Variants in MYO1D observed in about 807,000 individuals in gnomAD.
The protein encoded by MYO1D is myosin ID, also known as unconventional myosin-Id.
MYO1D carries 83 observed loss-of-function variants against 122.0 expected under a neutral mutation model. That is an observed-to-expected ratio of 0.68 (90% CI 0.57 to 0.82). The LOEUF is 0.82. MYO1D is among the 40% of genes least tolerant of loss of function. The pLI, the probability that MYO1D is intolerant of heterozygous loss-of-function variation, is 0.00. For missense variants in MYO1D, 1,157 were observed against 1,269.5 expected (o/e 0.91, Z 1.35); for synonymous variants, 464 against 446.9 (o/e 1.04, Z -0.48).
intron 1 of MYO1D, among the ~76,000 whole-genome samples, chr17:32,866,816 G>A (rs1184055641): frequency 6.6e-6 from 1 of 152,208 alleles, no homozygotes; most frequent in East Asian, 1.9e-4. Flanking sequence ...AAGAAGGCCA[G>A]GATGGCTCAG....
At position 32,503,078 on chromosome 17, in the gene MYO1D, CTT is replaced by C. The variant is rs1190413925; in HGVS notation, c.2865-8165_2865-8164del. Among the ~76,000 whole-genome samples, 15 of 152,330 alleles carry C rather than the reference CTT, an allele frequency of 9.8e-5. 1 individual carries two copies. Among genetic ancestry groups the C allele is most frequent in the African/African-American group, 3.4e-4 (14 of 41,572 alleles). ...CTTTCCTTCATTTTTCATTTAGACT[CTT>C]GTCTTCTGCTCTTAGAGAAACCCGT... On this transcript the variant is annotated intron_variant, in intron 21 of 21. Transcript: ENST00000318217.
chr17:32,577,942 T>C (rs187534382), intron 21 of MYO1D, among the ~76,000 whole-genome samples: 124 of 152,270 alleles, frequency 8.1e-4, no homozygotes, highest in African/African-American at 2.9e-3. Flanking sequence ...GATTTCACTG[T>C]GTTAGCCAGG....
At chr17:32,528,095 C>T (rs1910400360) in intron 21 of MYO1D, among the ~76,000 whole-genome samples, 1 of 152,208 alleles carries the variant, frequency 6.6e-6, no homozygotes, top group South Asian at 2.1e-4. Flanking sequence ...CCTCAGCCTC[C>T]CAAAGTGCTG....
rs559322316 is a variant in MYO1D at position 32,663,138 on chromosome 17, C to T, written c.2122-3800G>A. Among the ~76,000 whole-genome samples, 5 of 152,158 alleles carry T rather than the reference C, an allele frequency of 3.3e-5. No homozygotes were observed. The South Asian group carries it at 6.2e-4, about 19-fold the overall frequency. On this transcript the variant is annotated intron_variant, in intron 16 of 21. Coordinates refer to ENST00000318217, the MANE Select transcript of MYO1D (RefSeq NM_015194.3). ...TTCACTGTGTTAGCCAGGATGGTCT[C>T]GATCTCCTGACCTTGTGATCCACCC...
intron 1 of MYO1D, among the ~76,000 whole-genome samples, chr17:32,845,446 A>G (rs2090927618): frequency 6.6e-6 from 1 of 152,174 alleles, no homozygotes; most frequent in Non-Finnish European, 1.5e-5. Context: ...TGATAATGTC[A>G]TTTTATATTT....
intron 16 of MYO1D, among the ~76,000 whole-genome samples, chr17:32,669,897 T>G (rs1042283901): frequency 6.6e-6 from 1 of 151,436 alleles, no homozygotes; most frequent in Non-Finnish European, 1.5e-5. Context: ...TTCTTTTTCT[T>G]TTTTCTTTTT....
At chr17:32,665,638 C>T (rs76078271) in intron 16 of MYO1D, among the ~76,000 whole-genome samples, 2,196 of 152,276 alleles carry the variant, frequency 0.014, 58 homozygotes, top group African/African-American at 0.05. Flanking sequence ...TGCACTGTTC[C>T]TTGTATTGCA....
chr17:32,644,242 A>G (rs1482008374), intron 19 of MYO1D, among the ~76,000 whole-genome samples: 1 of 152,080 alleles, frequency 6.6e-6, no homozygotes, highest in East Asian at 1.9e-4. Context: ...GAGTTTCTTA[A>G]TCCTGCATTC....
At chr17:32,621,580 C>T (rs1221376981) in intron 20 of MYO1D, among the ~76,000 whole-genome samples, 1 of 152,124 alleles carries the variant, frequency 6.6e-6, no homozygotes, top group Non-Finnish European at 1.5e-5. Context: ...TCAAAGCCAA[C>T]CCTTAATTAC....
rs2091021522 is a variant in MYO1D, at chr17:32,855,583, T to C, written c.95+21195A>G. On this transcript the variant is annotated intron_variant, in intron 1 of 21. Coordinates refer to ENST00000318217, the MANE Select transcript of MYO1D (RefSeq NM_015194.3). ...TTTTCCATCCCACTGTTGATGGACATTTGTGTTTTTTCTTAGGTTTCGACT... is the reference window on the plus strand; with the variant it reads ...TTTTCCATCCCACTGTTGATGGACACTTGTGTTTTTTCTTAGGTTTCGACT... Among the ~76,000 whole-genome samples the C allele has an allele frequency of 2.6e-5, 4 of 152,168 alleles. No individual in the cohort carries two copies. The South Asian group carries it at 6.2e-4, about 24-fold the overall frequency.
At chr17:32,636,104 AC>A (rs747626240) in intron 20 of MYO1D, among the ~76,000 whole-genome samples, 16 of 150,948 alleles carry the variant, frequency 1.1e-4, no homozygotes, top group South Asian at 2.1e-4. Context: ...TGAATAATCC[AC>A]CCCCTTTCTC....
chr17:32,689,837 G>T (rs1490019040), intron 16 of MYO1D, among the ~76,000 whole-genome samples: 1 of 151,844 alleles, frequency 6.6e-6, no homozygotes, highest in Non-Finnish European at 1.5e-5. Context: ...TCCTGCCTCA[G>T]CCTCCCGAGT....
intron 21 of MYO1D, among the ~76,000 whole-genome samples, chr17:32,541,320 G>A (rs945321030): frequency 2.0e-5 from 3 of 152,206 alleles, no homozygotes; most frequent in Non-Finnish European, 4.4e-5. Flanking sequence ...CCAAGAGGAA[G>A]AAGCTGGTCA....
At chr17:32,588,406 C>G (rs573942465) in intron 21 of MYO1D, among the ~76,000 whole-genome samples, 1 of 152,350 alleles carries the variant, frequency 6.6e-6, no homozygotes, top group African/African-American at 2.4e-5. Context: ...TCAAAATAAA[C>G]TCCAAACAGC....
At chr17:32,747,857 A>AG (rs1230081604) in intron 12 of MYO1D, among the ~76,000 whole-genome samples, 2 of 151,920 alleles carry the variant, frequency 1.3e-5, no homozygotes, top group Admixed American at 1.3e-4. Flanking sequence ...AAAAAAAAAA[A>AG]GATAGACACA....
intron 1 of MYO1D, among the ~76,000 whole-genome samples, chr17:32,864,197 G>A (rs1043223696): frequency 2.0e-5 from 3 of 151,680 alleles, no homozygotes; most frequent in Non-Finnish European, 4.4e-5. Context: ...AAAAGCACTA[G>A]AGTGCCAGGG....
At chr17:32,542,133 T>C (rs1910853977) in intron 21 of MYO1D, among the ~76,000 whole-genome samples, 1 of 152,186 alleles carries the variant, frequency 6.6e-6, no homozygotes, top group Non-Finnish European at 1.5e-5. Flanking sequence ...TATTTGTCTG[T>C]GTGCCTCATG....
intron 21 of MYO1D, among the ~76,000 whole-genome samples, chr17:32,550,013 A>C (rs1279656814): frequency 6.6e-6 from 1 of 152,188 alleles, no homozygotes; most frequent in Non-Finnish European, 1.5e-5. Flanking sequence ...AACGGAATGA[A>C]AAGATCAGTA....
At chr17:32,853,523 A>G (rs2091005960) in intron 1 of MYO1D, among the ~76,000 whole-genome samples, 1 of 152,160 alleles carries the variant, frequency 6.6e-6, no homozygotes, top group Admixed American at 6.5e-5. Context: ...TCCTCCTCTG[A>G]GTTCCTGGGG....
Sources: gnomAD v4.1 joint callset for allele counts (sites outside exome capture counted in the v4.1 genomes callset) on GRCh38, gnomAD v4.1.1 for gene constraint, MANE v1.5 for transcripts, NCBI Gene and HGNC (gene_info 2026-07-23, HGNC 2026-07-21) for gene names.